SPOCK1: variants seen among roughly 807,000 people sequenced by gnomAD.
The protein encoded by SPOCK1 is SPARC (osteonectin), cwcv and kazal like domains proteoglycan 1, also known as testican-1.
A neutral mutation model predicts 55.3 loss-of-function variants in SPOCK1; 23 were observed. The ratio of observed to expected loss-of-function variants is 0.42; its 90% CI spans 0.30 to 0.59. The LOEUF is 0.59. Ranked by LOEUF, SPOCK1 falls within the 20% of genes least tolerant of loss-of-function variation. The pLI, the probability that SPOCK1 is intolerant of heterozygous loss-of-function variation, is 0.22. For missense variants in SPOCK1, 499 were observed against 552.5 expected, an observed-to-expected ratio of 0.90 and a Z score of 0.97; for synonymous variants, 226 against 221.0, an observed-to-expected ratio of 1.02 and a Z score of -0.20.
intron 2 of SPOCK1, among the ~76,000 whole-genome samples, chr5:137,434,638 T>C (rs905258810): frequency 2.6e-5 from 4 of 151,734 alleles, no homozygotes; most frequent in Non-Finnish European, 5.9e-5. Context: ...TAGCTGAGAT[T>C]ACAGGCGCCC....
At chr5:137,442,942 G>A (rs1482649309) in intron 2 of SPOCK1, among the ~76,000 whole-genome samples, 1 of 152,110 alleles carries the variant, frequency 6.6e-6, no homozygotes, top group African/African-American at 2.4e-5. Context: ...GAGCCCAGTG[G>A]GCCTCCCTCT....
intron 4 of SPOCK1, among the ~76,000 whole-genome samples, chr5:137,126,278 T>C (rs1311495578): frequency 6.6e-6 from 1 of 152,240 alleles, no homozygotes; most frequent in Admixed American, 6.5e-5. Flanking sequence ...AGTGGATGCT[T>C]CCTGAAGTCC....
At chr5:137,353,638 A>G (rs1165425112) in intron 2 of SPOCK1, among the ~76,000 whole-genome samples, 1 of 152,192 alleles carries the variant, frequency 6.6e-6, no homozygotes, top group East Asian at 1.9e-4. Context: ...CAAATTCTGT[A>G]GCTGCTGCCA....
chr5:137,463,817 G>A (rs574974279), intron 2 of SPOCK1, among the ~76,000 whole-genome samples: 8 of 152,116 alleles, frequency 5.3e-5, no homozygotes, highest in East Asian at 1.9e-4. Flanking sequence ...ACACAGTGGC[G>A]TGCACCTGTA....
intron 2 of SPOCK1, among the ~76,000 whole-genome samples, chr5:137,384,925 G>T (rs1751567251): frequency 2.0e-5 from 3 of 152,022 alleles, no homozygotes; most frequent in Admixed American, 2.0e-4. Flanking sequence ...ACAGGTACTG[G>T]GGATTATGAC....
At chr5:137,274,040 G>C (rs565352481) in intron 2 of SPOCK1, among the ~76,000 whole-genome samples, 4 of 152,306 alleles carry the variant, frequency 2.6e-5, no homozygotes, top group Admixed American at 2.6e-4. Flanking sequence ...GGGGTGGAGA[G>C]AAGTAACCCA....
Position 137,396,326 on chromosome 5 carries a change from G to C in SPOCK1, c.186+102047C>G, listed in dbSNP as rs899284572. Among the ~76,000 whole-genome samples, 10 of 152,166 alleles carry C rather than the reference G, an allele frequency of 6.6e-5. 1 individual carries two copies. The highest frequency in any genetic ancestry group is 8.8e-5 in the Non-Finnish European group (6 of 68,040). ...ACTAGCACAGTGTTTTTCAAAGTATGATACAACTAAGGATTTTGGAAAATA... is the reference window on the plus strand; with the variant it reads ...ACTAGCACAGTGTTTTTCAAAGTATCATACAACTAAGGATTTTGGAAAATA... On this transcript the variant is annotated intron_variant, in intron 2 of 10. Coordinates refer to ENST00000394945, the MANE Select transcript of SPOCK1 (RefSeq NM_004598.4).
At chr5:137,360,203 A>T (rs1750911773) in intron 2 of SPOCK1, among the ~76,000 whole-genome samples, 1 of 152,242 alleles carries the variant, frequency 6.6e-6, no homozygotes, top group Admixed American at 6.5e-5. Context: ...AACACATAAA[A>T]ACAAACACAC....
chr5:137,437,262 G>A (rs1752885010), intron 2 of SPOCK1, among the ~76,000 whole-genome samples: 1 of 152,032 alleles, frequency 6.6e-6, no homozygotes, highest in Admixed American at 6.5e-5. Context: ...GAAATGACTA[G>A]CCTTTGGAGC....
At chr5:137,256,448 T>G (rs746949633) in intron 3 of SPOCK1, among the ~76,000 whole-genome samples, 10 of 152,158 alleles carry the variant, frequency 6.6e-5, no homozygotes, top group Non-Finnish European at 1.2e-4. Flanking sequence ...AGGGCCTTCT[T>G]GTTGTCTCAG....
At chr5:137,103,179 C>G (rs1326984207) in intron 5 of SPOCK1, among the ~76,000 whole-genome samples, 1 of 152,062 alleles carries the variant, frequency 6.6e-6, no homozygotes. Context: ...TTAGTAGAGA[C>G]AGAGTTGCAC....
intron 6 of SPOCK1, among the ~76,000 whole-genome samples, chr5:137,034,156 G>A (rs1751834837): frequency 6.6e-6 from 1 of 152,194 alleles, no homozygotes; most frequent in South Asian, 2.1e-4. Flanking sequence ...TGCCCTGGAG[G>A]ACAGGCTGCT....
intron 5 of SPOCK1, among the ~76,000 whole-genome samples, chr5:137,068,551 C>T (rs777234714): frequency 5.9e-5 from 9 of 152,184 alleles, no homozygotes; most frequent in South Asian, 4.1e-4. Context: ...CAGCTCTTTA[C>T]TCTAAAGTCT....
chr5:137,492,146 C>T (rs1754194532), intron 2 of SPOCK1, among the ~76,000 whole-genome samples: 1 of 152,200 alleles, frequency 6.6e-6, no homozygotes. Flanking sequence ...GAAACCCCTC[C>T]ACCACTCTAG....
chr5:137,242,079 A>G (rs1159170168), intron 3 of SPOCK1, among the ~76,000 whole-genome samples: 1 of 152,160 alleles, frequency 6.6e-6, no homozygotes. Context: ...ACACTAAAAA[A>G]CCATACAGGC....
At chr5:137,410,149 C>G (rs569250703) in intron 2 of SPOCK1, among the ~76,000 whole-genome samples, 1 of 152,238 alleles carries the variant, frequency 6.6e-6, no homozygotes, top group Non-Finnish European at 1.5e-5. Context: ...CTTTGCAAGC[C>G]TTCCCATTTT....
intron 3 of SPOCK1, among the ~76,000 whole-genome samples, chr5:137,196,843 C>T (rs1321713801): frequency 6.6e-6 from 1 of 152,190 alleles, no homozygotes; most frequent in African/African-American, 2.4e-5. Flanking sequence ...GCCCCCTGCA[C>T]AATATGAGCT....
At chr5:137,375,916 G>A (rs958259362) in intron 2 of SPOCK1, among the ~76,000 whole-genome samples, 2 of 152,146 alleles carry the variant, frequency 1.3e-5, no homozygotes, top group Non-Finnish European at 2.9e-5. Flanking sequence ...CAAAGTCCAC[G>A]CCTGCCACTT....
intron 5 of SPOCK1, among the ~76,000 whole-genome samples, chr5:137,073,395 A>C (rs1752653376): frequency 7.3e-6 from 1 of 137,370 alleles, no homozygotes; most frequent in Admixed American, 7.3e-5. Flanking sequence ...CTCTCTGGGG[A>C]AGGAGGGTCA....
Sources: gnomAD v4.1 joint callset for allele counts (sites outside exome capture counted in the v4.1 genomes callset) on GRCh38, gnomAD v4.1.1 for gene constraint, MANE v1.5 for transcripts, NCBI Gene and HGNC (gene_info 2026-07-23, HGNC 2026-07-21) for gene names.